Variants in WDFY1 observed in about 807,000 individuals in gnomAD.
WDFY1 encodes the protein WD repeat and FYVE domain containing 1, also known as WD repeat and FYVE domain-containing protein 1.
In WDFY1, 32 loss-of-function variants were observed where a neutral mutation model predicts 56.4. That is an observed-to-expected ratio of 0.57 (90% confidence interval 0.43 to 0.76). The LOEUF (loss-of-function observed/expected upper bound fraction) is 0.76. Among genes scored for constraint, WDFY1 ranks in the 30% least tolerant of loss-of-function variants. The probability of loss-of-function intolerance (pLI) is 0.00; values close to 1 mark genes in which losing one functional copy is unlikely to be tolerated. For missense variants in WDFY1, 480 were observed against 545.7 expected, an observed-to-expected ratio of 0.88 and a Z score of 1.20; for synonymous variants, 192 against 197.3, an observed-to-expected ratio of 0.97 and a Z score of 0.23.
chr2:223,930,040 C>A (rs1053168187), intron 1 of WDFY1, among the ~76,000 whole-genome samples: 1 of 152,152 alleles, frequency 6.6e-6, no homozygotes, highest in African/African-American at 2.4e-5. Context: ...TTTTTCCCCC[C>A]AAATAAATCA....
chr2:223,920,103 T>C (rs763474809), intron 1 of WDFY1, among the ~76,000 whole-genome samples: 3 of 152,248 alleles, frequency 2.0e-5, no homozygotes, highest in Non-Finnish European at 2.9e-5. Context: ...CTGGTGGCTA[T>C]AAGCACAAAT....
chr2:223,932,344 G>A (rs966332846), intron 1 of WDFY1, among the ~76,000 whole-genome samples: 11 of 150,466 alleles, frequency 7.3e-5, no homozygotes, highest in African/African-American at 1.5e-4. Context: ...GGATGGTCTC[G>A]ATCTCCTGAC....
intron 10 of WDFY1, among the ~76,000 whole-genome samples, chr2:223,881,411 G>A (rs1190258600): frequency 2.0e-5 from 3 of 152,180 alleles, no homozygotes; most frequent in African/African-American, 4.8e-5. Context: ...ACTGTGTTCA[G>A]GAGAAAGCTG....
intron 8 of WDFY1, among the ~76,000 whole-genome samples, chr2:223,892,556 G>A (rs542548189): frequency 6.6e-6 from 1 of 152,128 alleles, no homozygotes; most frequent in African/African-American, 2.4e-5. Context: ...CATAAAGTCT[G>A]GAAATGAGTA....
At chr2:223,888,613 G>A (rs1322766081) in intron 8 of WDFY1, among the ~76,000 whole-genome samples, 2 of 110,764 alleles carry the variant, frequency 1.8e-5, no homozygotes, top group African/African-American at 3.3e-5. Context: ...TTGAGACAGA[G>A]CCTTGCTTTG....
chr2:223,880,007 T>C, intron 11 of WDFY1, 117 bp downstream of exon 11: 1 of 891,352 alleles, frequency 1.1e-6, no homozygotes, highest in Non-Finnish European at 1.8e-6. Flanking sequence ...GGTTTTAAAC[T>C]GGCAATCATT....
intron 1 of WDFY1, among the ~76,000 whole-genome samples, chr2:223,936,531 A>G (rs1431360380): frequency 6.6e-6 from 1 of 152,216 alleles, no homozygotes; most frequent in Non-Finnish European, 1.5e-5. Flanking sequence ...AATGAGGTTT[A>G]AAAGATGATG....
At chr2:223,936,102 C>A (rs184033455) in intron 1 of WDFY1, among the ~76,000 whole-genome samples, 1 of 146,090 alleles carries the variant, frequency 6.8e-6, no homozygotes, top group Admixed American at 6.9e-5. Flanking sequence ...TGCTTTATTG[C>A]CCAAGCTGGA....
intron 6 of WDFY1, among the ~76,000 whole-genome samples, chr2:223,896,117 C>T (rs1410107220): frequency 8.0e-6 from 1 of 125,054 alleles, no homozygotes; most frequent in Non-Finnish European, 1.6e-5. Context: ...GATAGCACCA[C>T]TGCGCTCCAG....
At position 223,895,513 on chromosome 2, in the gene WDFY1, T is replaced by G. The variant is rs895540859; in HGVS notation, c.716A>C (p.Gln239Pro). ...GGRKGRTLLL[Q>P]GHHDKVQSLC... Reference sequence around the variant, plus strand: ...ACAAGTGGTCACGCACTGATGGCCCTGAAGTAACAGCGTCCGGCCTTTCCT... The same window carrying G: ...ACAAGTGGTCACGCACTGATGGCCCGGAAGTAACAGCGTCCGGCCTTTCCT... The change falls in exon 7 of 12, where the codon CAG (glutamine) becomes CCG (proline). Residue 239 changes from glutamine to proline, a missense_variant. Coordinates refer to ENST00000233055, the MANE Select transcript of WDFY1 (RefSeq NM_020830.5). 1 of 1,613,962 alleles carries G rather than the reference T, an allele frequency of 6.2e-7. No homozygotes were observed.
At chr2:223,879,349 T>C (rs1693026005) in intron 11 of WDFY1, among the ~76,000 whole-genome samples, 1 of 152,164 alleles carries the variant, frequency 6.6e-6, no homozygotes, top group Non-Finnish European at 1.5e-5. Flanking sequence ...AATATCTCAG[T>C]TTCACCACTG....
In WDFY1 at chr2:223,876,358, T is replaced by C. The variant is rs1446528776; in HGVS notation, c.*2313A>G. 6.6e-6 allele frequency: 1 copy of C among 152,594 alleles called. No homozygotes were observed. Among genetic ancestry groups the C allele is most frequent in the Non-Finnish European group, 1.5e-5 (1 of 68,010 alleles). 9.5% of individuals were successfully genotyped at this position (152,594 alleles called of 1,614,324 possible). On this transcript the variant is annotated 3_prime_UTR_variant, in exon 12 of 12. Transcript: ENST00000233055. ...CATCAGCCTATCTGTACTTTTCTTC[T>C]GTGCCTACTCAGTAAAATTGAGAAA...
chr2:223,913,461 A>G (rs1487944911), intron 2 of WDFY1, among the ~76,000 whole-genome samples: 1 of 152,160 alleles, frequency 6.6e-6, no homozygotes, highest in East Asian at 1.9e-4. Flanking sequence ...TGCACAAAAC[A>G]ATTAGAATTG....
At chr2:223,889,147 A>G (rs1693225876) in intron 8 of WDFY1, among the ~76,000 whole-genome samples, 1 of 151,332 alleles carries the variant, frequency 6.6e-6, no homozygotes, top group African/African-American at 2.4e-5. Flanking sequence ...CAGGGGATTC[A>G]CCTGTCTCAG....
At chr2:223,936,315 G>A (rs1412086301) in intron 1 of WDFY1, among the ~76,000 whole-genome samples, 1 of 152,092 alleles carries the variant, frequency 6.6e-6, no homozygotes, top group Admixed American at 6.6e-5. Context: ...GCCTGCCTCA[G>A]CTTCCCCATG....
chr2:223,913,306 C>A (rs1392942493), intron 2 of WDFY1, among the ~76,000 whole-genome samples: 1 of 151,822 alleles, frequency 6.6e-6, no homozygotes, highest in Non-Finnish European at 1.5e-5. Flanking sequence ...AGGGTGATAT[C>A]CTCACCAAAG....
At chr2:223,894,066 T>A (rs986998333) in intron 8 of WDFY1, among the ~76,000 whole-genome samples, 168 bp downstream of exon 8, 5 of 152,160 alleles carry the variant, frequency 3.3e-5, no homozygotes, top group African/African-American at 1.2e-4. Context: ...GAGGAAGCAA[T>A]GCAAAATGAC....
In WDFY1 at chr2:223,899,709, G is replaced by A. The variant is rs182059256; in HGVS notation, c.486-639C>T. On this transcript the variant is annotated intron_variant, in intron 5 of 11. Transcript: ENST00000233055. ...TGCAGTGAGCTGAGATGGTGCCACT[G>A]TACCACTCCAGCCTGGGTGACAGTG... 1.4e-3 allele frequency among the ~76,000 whole-genome samples: 214 copies of A among 151,870 alleles called. 2 individuals are homozygous for A. The highest frequency in any genetic ancestry group is 6.8e-3 in the Middle Eastern group (2 of 294).
intron 1 of WDFY1, among the ~76,000 whole-genome samples, chr2:223,920,516 G>A (rs1265869938): frequency 6.6e-6 from 1 of 152,230 alleles, no homozygotes; most frequent in Non-Finnish European, 1.5e-5. Context: ...AAGAGACATG[G>A]GTTGCTGCCC....
Sources: gnomAD v4.1 joint callset for allele counts (sites outside exome capture counted in the v4.1 genomes callset) on GRCh38, gnomAD v4.1.1 for gene constraint, MANE v1.5 for transcripts, NCBI Gene and HGNC (gene_info 2026-07-23, HGNC 2026-07-21) for gene names.